CNTN6: variants seen among roughly 807,000 people sequenced by gnomAD.
CNTN6 encodes contactin 6, also known as contactin-6.
Under a neutral mutation model 122.8 loss-of-function variants are expected in CNTN6, and 137 were observed. The observed-to-expected ratio is 1.12, with a 90% CI of 0.97 to 1.29. The LOEUF (loss-of-function observed/expected upper bound fraction) is 1.29. Ranked by LOEUF, CNTN6 falls within the 50% of genes most tolerant of loss-of-function variation. The pLI is 0.00. For missense variants in CNTN6, 1,634 were observed against 1,223.4 expected (o/e 1.34, Z -5.01); for synonymous variants, 570 against 426.0 (o/e 1.34, Z -4.16).
At chr3:1,165,088 A>G (rs1323457529) in intron 2 of CNTN6, among the ~76,000 whole-genome samples, 1 of 152,200 alleles carries the variant, frequency 6.6e-6, no homozygotes, top group African/African-American at 2.4e-5. Context: ...TTTACAGTTC[A>G]TGATCTCTCA....
Position 1,383,016 on chromosome 3 carries a change from C to G in CNTN6, c.2241C>G (p.Thr747=), listed in dbSNP as rs1692159836. The G allele has an allele frequency of 6.2e-7, 1 of 1,614,112 alleles. No individual in the cohort carries two copies. The highest frequency in any genetic ancestry group is 1.1e-5 in the South Asian group (1 of 91,078). Residue 747 remains threonine (T), a synonymous_variant, in exon 18 of 23, where the codon ACC becomes ACG. Coordinates refer to ENST00000446702, the MANE Select transcript of CNTN6 (RefSeq NM_001289080.2). ...IIMFRPVGST[T]WSKEKVSSVE... ...TGTTCCGGCCAGTGGGCTCGACAAC[C>G]TGGTCCAAGGAGAAAGTGTCATCTG...
At chr3:1,159,574 A>AT (rs950459488) in intron 2 of CNTN6, among the ~76,000 whole-genome samples, 34 of 151,612 alleles carry the variant, frequency 2.2e-4, no homozygotes, top group Middle Eastern at 3.4e-3. Context: ...TATATATAGA[A>AT]TTTTTTTTTA....
At chr3:1,201,099 T>TTGTGTG (rs57028088) in intron 2 of CNTN6, among the ~76,000 whole-genome samples, 2,441 of 130,000 alleles carry the variant, frequency 0.019, 60 homozygotes, top group East Asian at 0.086. Flanking sequence ...AGCTAACATT[T>TTGTGTG]TGTGTGTGTG....
At chr3:1,366,315 A>G (rs1052136515) in intron 12 of CNTN6, among the ~76,000 whole-genome samples, 7 of 152,172 alleles carry the variant, frequency 4.6e-5, no homozygotes, top group Non-Finnish European at 8.8e-5. Context: ...AGCGTAGTCA[A>G]CAACTTTCCT....
In CNTN6 at chr3:1,278,396, T is replaced by C; in HGVS notation, c.359-17T>C. Reference sequence around the variant, plus strand: ...CAAAGTAACTAATTATAAATCTGCTTTTCTTTGTTTTCCAAGATATTGAAG... The same window carrying C: ...CAAAGTAACTAATTATAAATCTGCTCTTCTTTGTTTTCCAAGATATTGAAG... On this transcript the variant is annotated splice_polypyrimidine_tract_variant and intron_variant, in intron 4 of 22. Coordinates refer to ENST00000446702, the MANE Select transcript of CNTN6 (RefSeq NM_001289080.2). 1.3e-6 allele frequency: 2 copies of C among 1,526,768 alleles called. No individual in the cohort carries two copies. Among genetic ancestry groups the C allele is most frequent in the Non-Finnish European group, 1.8e-6 (2 of 1,116,292 alleles). The allele number at this position is 1,526,768 out of a possible 1,614,324, so 94.6% of individuals were successfully genotyped here. A position where few individuals can be genotyped will look rare whatever the true frequency, so the allele number is the denominator to read the frequency against.
At chr3:1,296,479 GT>G (rs1041059442) in intron 6 of CNTN6, among the ~76,000 whole-genome samples, 1 of 152,022 alleles carries the variant, frequency 6.6e-6, no homozygotes, top group Non-Finnish European at 1.5e-5. Flanking sequence ...TTCTCTAGTT[GT>G]TTTTTTAATT....
intron 1 of CNTN6, among the ~76,000 whole-genome samples, chr3:1,128,820 C>A (rs112684843): frequency 7.8e-4 from 119 of 152,016 alleles, no homozygotes; most frequent in African/African-American, 2.7e-3. Context: ...TTTAGCAACC[C>A]AAACACATTT....
chr3:1,367,708 T>C (rs1038985563), intron 12 of CNTN6, among the ~76,000 whole-genome samples: 2 of 152,082 alleles, frequency 1.3e-5, no homozygotes, highest in African/African-American at 2.4e-5. Flanking sequence ...TGGTGTGGTG[T>C]GCAGGTGTGC....
At chr3:1,123,278 A>G (rs1402923596) in intron 1 of CNTN6, among the ~76,000 whole-genome samples, 1 of 151,868 alleles carries the variant, frequency 6.6e-6, no homozygotes, top group Non-Finnish European at 1.5e-5. Context: ...CTAATCCATG[A>G]ACATAAGATA....
intron 1 of CNTN6, among the ~76,000 whole-genome samples, chr3:1,111,212 T>C (rs2091465322): frequency 6.6e-6 from 1 of 152,172 alleles, no homozygotes; most frequent in Non-Finnish European, 1.5e-5. Flanking sequence ...AAAGCAGTAG[T>C]CCCCTGGGGC....
chr3:1,238,981 A>G (rs564586323), intron 4 of CNTN6, among the ~76,000 whole-genome samples: 2 of 152,322 alleles, frequency 1.3e-5, no homozygotes, highest in South Asian at 4.1e-4. Flanking sequence ...TCACAGAAAT[A>G]CAAAAGATTA....
intron 11 of CNTN6, among the ~76,000 whole-genome samples, chr3:1,345,066 G>C (rs1258936774): frequency 6.6e-6 from 1 of 150,894 alleles, no homozygotes; most frequent in Non-Finnish European, 1.5e-5. Context: ...TTTGAATTTT[G>C]CCTGGACAGG....
At chr3:1,312,584 T>C (rs547740907) in intron 7 of CNTN6, among the ~76,000 whole-genome samples, 1 of 147,554 alleles carries the variant, frequency 6.8e-6, no homozygotes, top group South Asian at 2.2e-4. Flanking sequence ...AAAAAGATAG[T>C]CTCCGTGATT....
chr3:1,320,395 C>T (rs961124422), intron 7 of CNTN6, among the ~76,000 whole-genome samples: 1 of 151,590 alleles, frequency 6.6e-6, no homozygotes, highest in African/African-American at 2.4e-5. Context: ...CATAAGTGTT[C>T]TTGCTTGAAG....
rs75171953 is a variant in CNTN6 at position 1,359,666 on chromosome 3, T to G, written c.1492+7215T>G. ...CACGTGTGAGCAGATAATCATGCAC[T>G]TGTCTAAGAGGATATAAAACATTTT... On this transcript the variant is annotated intron_variant, in intron 12 of 22. Coordinates refer to ENST00000446702, the MANE Select transcript of CNTN6 (RefSeq NM_001289080.2). Among the ~76,000 whole-genome samples, 670 of 152,218 alleles carry G rather than the reference T, an allele frequency of 4.4e-3. 5 individuals are homozygous for G. The highest frequency in any genetic ancestry group is 0.015 in the African/African-American group (630 of 41,556).
chr3:1,385,912 T>C lies in CNTN6; in HGVS notation c.2704+115T>C, dbSNP rs984723338. On this transcript the variant is annotated intron_variant, in intron 20 of 22. Transcript: ENST00000446702. ...TTTCTTTACTAATTGGTTACTTTGGTTAGTTGGTTTGTCCCTTAAATATGG... is the reference window on the plus strand; with the variant it reads ...TTTCTTTACTAATTGGTTACTTTGGCTAGTTGGTTTGTCCCTTAAATATGG... The C allele has an allele frequency of 8.7e-6, 9 of 1,035,206 alleles. No homozygotes were observed. In the African/African-American group the frequency reaches 1.3e-4, roughly 15 times the overall value. 64.1% of individuals were successfully genotyped at this position (1,035,206 alleles called of 1,614,324 possible).
At chr3:1,250,363 A>G (rs956115982) in intron 4 of CNTN6, among the ~76,000 whole-genome samples, 1 of 152,138 alleles carries the variant, frequency 6.6e-6, no homozygotes, top group Admixed American at 6.6e-5. Context: ...TCTATCCTCC[A>G]CCTTCTTTCC....
At chr3:1,324,836 T>G (rs1296043283) in intron 8 of CNTN6, among the ~76,000 whole-genome samples, 4 of 149,744 alleles carry the variant, frequency 2.7e-5, no homozygotes, top group Admixed American at 2.6e-4. Flanking sequence ...GGCTTCCCTG[T>G]TTTCTACCAT....
intron 12 of CNTN6, among the ~76,000 whole-genome samples, chr3:1,366,859 A>C (rs1421539172): frequency 6.6e-6 from 1 of 152,122 alleles, no homozygotes; most frequent in Non-Finnish European, 1.5e-5. Context: ...TCCCAGGAGG[A>C]ACTATGCATC....
Sources: gnomAD v4.1 joint callset for allele counts (sites outside exome capture counted in the v4.1 genomes callset) on GRCh38, gnomAD v4.1.1 for gene constraint, MANE v1.5 for transcripts, NCBI Gene and HGNC (gene_info 2026-07-23, HGNC 2026-07-21) for gene names.